Variants in TTC28 observed in about 807,000 individuals in gnomAD.
TTC28 encodes the protein tetratricopeptide repeat domain 28.
Under a neutral mutation model 198.0 loss-of-function variants are expected in TTC28, and 61 were observed. The observed-to-expected ratio is 0.31, with a 90% CI of 0.25 to 0.38. TTC28 has a LOEUF of 0.38. Among genes scored for constraint, TTC28 ranks in the 10% least tolerant of loss-of-function variants. The pLI, the probability that TTC28 is intolerant of heterozygous loss-of-function variation, is 1.00. For synonymous variants in TTC28, 1,171 were observed against 1,297.8 expected, an observed-to-expected ratio of 0.90 and a Z score of 2.10; for missense variants, 2,678 against 3,164.0, an observed-to-expected ratio of 0.85 and a Z score of 3.69.
At chr22:28,618,606 T>C (rs936500767) in intron 2 of TTC28, among the ~76,000 whole-genome samples, 1 of 144,102 alleles carries the variant, frequency 6.9e-6, no homozygotes, top group Non-Finnish European at 1.5e-5. Flanking sequence ...CGTTTGAACC[T>C]GGGAAGCACA....
intron 5 of TTC28, among the ~76,000 whole-genome samples, chr22:28,292,915 C>T (rs1359296109): frequency 6.6e-6 from 1 of 152,214 alleles, no homozygotes; most frequent in African/African-American, 2.4e-5. Flanking sequence ...GAGAAGACAT[C>T]ACACTTAACT....
chr22:28,326,360 T>TA (rs2045530046), intron 2 of TTC28, among the ~76,000 whole-genome samples: 2 of 152,206 alleles, frequency 1.3e-5, no homozygotes, highest in South Asian at 2.1e-4. Flanking sequence ...TAGTGGTAGT[T>TA]AAATGAATGT....
At chr22:28,087,600 A>G (rs536082895) in intron 12 of TTC28, among the ~76,000 whole-genome samples, 15 of 152,296 alleles carry the variant, frequency 9.8e-5, no homozygotes, top group African/African-American at 2.9e-4. Flanking sequence ...GAAAACTGGC[A>G]CAAGACAGGG....
chr22:28,346,353 A>G (rs916933853), intron 2 of TTC28, among the ~76,000 whole-genome samples: 1 of 152,230 alleles, frequency 6.6e-6, no homozygotes, highest in African/African-American at 2.4e-5. Flanking sequence ...ATTAGGGACC[A>G]CAGCCTGAAT....
At chr22:28,027,376 A>G (rs1938876717) in intron 13 of TTC28, among the ~76,000 whole-genome samples, 1 of 152,244 alleles carries the variant, frequency 6.6e-6, no homozygotes, top group South Asian at 2.1e-4. Flanking sequence ...GGCAAGAAGA[A>G]AAATAGTGAT....
At chr22:28,497,598 T>C (rs1320272267) in intron 2 of TTC28, among the ~76,000 whole-genome samples, 1 of 152,172 alleles carries the variant, frequency 6.6e-6, no homozygotes, top group Non-Finnish European at 1.5e-5. Context: ...GTGATTCTAA[T>C]GTACAGCCAG....
rs776195229 is a variant in TTC28 at position 28,139,779 on chromosome 22, T to C, written c.1441+23313A>G. 4.6e-5 allele frequency among the ~76,000 whole-genome samples: 7 copies of C among 152,072 alleles called. No individual in the cohort carries two copies. The East Asian group carries it at 9.7e-4, about 21-fold the overall frequency. On this transcript the variant is annotated intron_variant, in intron 6 of 22. Coordinates refer to ENST00000397906, the MANE Select transcript of TTC28 (RefSeq NM_001145418.2). ...ACAGCGCCTCTCCAGCTCCAAAATT[T>C]GTAATCCTAATGATGTTCCAAGGAA...
intron 2 of TTC28, among the ~76,000 whole-genome samples, chr22:28,571,986 G>A (rs1253314509): frequency 1.3e-5 from 2 of 149,526 alleles, no homozygotes; most frequent in Non-Finnish European, 1.5e-5. Flanking sequence ...AAAAAAAACC[G>A]ATAATGTATA....
At chr22:28,550,599 A>G (rs554330680) in intron 2 of TTC28, among the ~76,000 whole-genome samples, 2 of 152,232 alleles carry the variant, frequency 1.3e-5, no homozygotes, top group East Asian at 3.9e-4. Context: ...ATTATCTCCA[A>G]TGTTACTTTG....
chr22:28,023,877 G>C (rs1448758094), intron 13 of TTC28, among the ~76,000 whole-genome samples: 1 of 152,112 alleles, frequency 6.6e-6, no homozygotes, highest in East Asian at 1.9e-4. Context: ...TCTAAGCCTC[G>C]GTGTCATCAT....
intron 12 of TTC28, among the ~76,000 whole-genome samples, chr22:28,084,069 G>A (rs1044851968): frequency 1.3e-5 from 2 of 152,224 alleles, no homozygotes; most frequent in Admixed American, 6.5e-5. Flanking sequence ...TGCCTCTGTA[G>A]GCTCCACCTC....
intron 5 of TTC28, among the ~76,000 whole-genome samples, chr22:28,211,739 A>G (rs1448293591): frequency 6.6e-6 from 1 of 152,150 alleles, no homozygotes; most frequent in Non-Finnish European, 1.5e-5. Flanking sequence ...GAAAGTTAAA[A>G]AGGATATCCA....
intron 12 of TTC28, among the ~76,000 whole-genome samples, chr22:28,072,273 C>G (rs1031133878): frequency 6.6e-6 from 1 of 152,156 alleles, no homozygotes; most frequent in Non-Finnish European, 1.5e-5. Context: ...ATTCTACCAG[C>G]CCCCAGTAGT....
intron 5 of TTC28, among the ~76,000 whole-genome samples, chr22:28,273,942 T>C (rs528990217): frequency 1.3e-5 from 2 of 152,292 alleles, no homozygotes; most frequent in Admixed American, 6.5e-5. Flanking sequence ...AAATAGTATA[T>C]GTTTAACAGA....
rs201640108 is a variant in TTC28 at position 28,333,160 on chromosome 22, T to C, written c.382-26517A>G. ...AAATTACAAGAACCGATTTAGTCTA[T>C]TTCAAAATCATTCAGATTTTCTTTT... On this transcript the variant is annotated intron_variant, in intron 2 of 22. Coordinates refer to ENST00000397906, the MANE Select transcript of TTC28 (RefSeq NM_001145418.2). 5.3e-5 allele frequency among the ~76,000 whole-genome samples: 8 copies of C among 152,242 alleles called. No individual in the cohort carries two copies. The East Asian group carries it at 9.6e-4, about 18-fold the overall frequency.
intron 2 of TTC28, among the ~76,000 whole-genome samples, chr22:28,588,533 T>C (rs1452154259): frequency 6.6e-6 from 1 of 152,218 alleles, no homozygotes; most frequent in Non-Finnish European, 1.5e-5. Flanking sequence ...ACTTGATTAC[T>C]GGAAGCAGAC....
intron 2 of TTC28, among the ~76,000 whole-genome samples, chr22:28,383,120 T>C (rs28483613): frequency 2.6e-5 from 4 of 152,214 alleles, no homozygotes; most frequent in African/African-American, 7.2e-5. Context: ...ACACAAGAGA[T>C]TGGATGTAGA....
intron 2 of TTC28, among the ~76,000 whole-genome samples, chr22:28,545,271 T>A (rs1205716634): frequency 6.6e-6 from 1 of 152,132 alleles, no homozygotes; most frequent in African/African-American, 2.4e-5. Flanking sequence ...AAACAAATTT[T>A]AAAAACTAAT....
intron 2 of TTC28, among the ~76,000 whole-genome samples, chr22:28,383,944 T>G (rs1392915221): frequency 2.0e-5 from 3 of 152,216 alleles, no homozygotes; most frequent in Non-Finnish European, 4.4e-5. Context: ...AAACCCTATA[T>G]GATCTTCCCT....
Sources: gnomAD v4.1 joint callset for allele counts (sites outside exome capture counted in the v4.1 genomes callset) on GRCh38, gnomAD v4.1.1 for gene constraint, MANE v1.5 for transcripts, NCBI Gene and HGNC (gene_info 2026-07-23, HGNC 2026-07-21) for gene names.